Variants in KIF18A observed in about 807,000 individuals in gnomAD.
KIF18A encodes kinesin-like protein KIF18A.
A neutral mutation model predicts 103.3 loss-of-function variants in KIF18A; 67 were observed. That is an observed-to-expected ratio of 0.65 (90% CI 0.53 to 0.79). KIF18A has a LOEUF of 0.79. KIF18A is among the 30% of genes least tolerant of loss of function. The pLI is 0.00. For synonymous variants in KIF18A, 367 were observed against 355.5 expected (o/e 1.03, Z -0.36); for missense variants, 1,032 against 1,062.5 (o/e 0.97, Z 0.40).
chr11:28,071,380 C>T (rs1220959516), intron 10 of KIF18A, among the ~76,000 whole-genome samples: 1 of 151,494 alleles, frequency 6.6e-6, no homozygotes, highest in Non-Finnish European at 1.5e-5. Context: ...CAACGCCACT[C>T]TTCTATTTTC....
rs1274857589 is a variant in KIF18A at position 28,096,869 on chromosome 11, T to G, written c.325+754A>C. Among the ~76,000 whole-genome samples the G allele has an allele frequency of 6.4e-5, 3 of 46,530 alleles. No homozygotes were observed. In the East Asian group the frequency reaches 1.1e-3, roughly 17 times the overall value. The allele number at this position is 46,530 out of a possible 152,430, so 30.5% of individuals were successfully genotyped here. On this transcript the variant is annotated intron_variant, in intron 2 of 16. Coordinates refer to ENST00000263181, the MANE Select transcript of KIF18A (RefSeq NM_031217.4). ...GGCCATTTTGCATCTTGGGTATCTC[T>G]CTCTCTCTCTCTCTTTTTTTTTTTT...
chr11:28,088,585 G>A lies in KIF18A; in HGVS notation c.836C>T (p.Thr279Ile). 6.2e-7 allele frequency: 1 copy of A among 1,613,928 alleles called. No homozygotes were observed. ...AGCTAAAAGTGATCTATTAATATTT[G>A]TGCCTTCTACAAATCGGGTCCCCTT... ...GAKGTRFVEG[T>I]NINRSLLALG... The change falls in exon 6 of 17, where the codon ACA (threonine) becomes ATA (isoleucine). Residue 279 changes from threonine to isoleucine, a missense_variant. Physicochemically the swap from Thr to Ile is moderately conservative, Grantham distance 89. Transcript: ENST00000263181.
intron 10 of KIF18A, 91 bp from the exon 11 acceptor site, chr11:28,069,514 T>C: frequency 8.3e-7 from 1 of 1,212,000 alleles, no homozygotes; most frequent in African/African-American, 1.5e-5. Context: ...TTATGTGTAC[T>C]ATTGTAGTAA....
intron 13 of KIF18A, among the ~76,000 whole-genome samples, chr11:28,047,707 T>C (rs566587698): frequency 6.6e-6 from 1 of 152,160 alleles, no homozygotes; most frequent in Admixed American, 6.6e-5. Context: ...TAATAACATA[T>C]ATAATAAACA....
intron 15 of KIF18A, 110 bp downstream of exon 15, chr11:28,035,277 T>C: frequency 2.2e-6 from 1 of 463,156 alleles, no homozygotes; most frequent in Non-Finnish European, 3.7e-6. Flanking sequence ...TAAGTATGCT[T>C]AAACATGAAT....
intron 6 of KIF18A, 130 bp from the exon 7 acceptor site, chr11:28,084,938 TTCAG>T (rs1851208690): frequency 1.6e-6 from 1 of 608,830 alleles, no homozygotes; most frequent in Non-Finnish European, 2.9e-6. Context: ...TATAAACTGT[TTCAG>T]TATAATGAAA....
At chr11:28,046,974 A>C (rs1850643994) in intron 13 of KIF18A, among the ~76,000 whole-genome samples, 1 of 150,378 alleles carries the variant, frequency 6.6e-6, no homozygotes, top group Non-Finnish European at 1.5e-5. Context: ...GAATCGCTTG[A>C]ACCTGGGATG....
chr11:28,101,242 TAAC>T (rs953325054), intron 1 of KIF18A, among the ~76,000 whole-genome samples: 1 of 152,114 alleles, frequency 6.6e-6, no homozygotes, highest in African/African-American at 2.4e-5. Context: ...TTCCTTGTGA[TAAC>T]AAAAACTATC....
At chr11:28,094,239 C>T (rs976616281) in intron 3 of KIF18A, among the ~76,000 whole-genome samples, 1 of 152,102 alleles carries the variant, frequency 6.6e-6, no homozygotes, top group African/African-American at 2.4e-5. Context: ...CTAAGATCTA[C>T]AGATAATTAT....
At chr11:28,077,496 AAAAAT>A (rs1851109482) in intron 9 of KIF18A, among the ~76,000 whole-genome samples, 1 of 152,202 alleles carries the variant, frequency 6.6e-6, no homozygotes, top group Non-Finnish European at 1.5e-5. Flanking sequence ...ATTGCTTAGC[AAAAAT>A]AAAATAATTT....
At position 28,059,146 on chromosome 11, in the gene KIF18A, T is replaced by A; in HGVS notation, c.1728A>T (p.Leu576Phe). The A allele has an allele frequency of 1.2e-6, 2 of 1,611,704 alleles. No individual in the cohort carries two copies. The highest frequency in any genetic ancestry group is 1.7e-6 in the Non-Finnish European group (2 of 1,177,864). Reference sequence around the variant, plus strand: ...AATATTGTTTTCTTAGGGTTGGAAGTAAAGCATTCAATACTCTATATACAG... The same window carrying A: ...AATATTGTTTTCTTAGGGTTGGAAGAAAAGCATTCAATACTCTATATACAG... ...HRQTEAVLNALLPTLRKQYCT... is the reference protein window; with the variant it reads ...HRQTEAVLNAFLPTLRKQYCT... Residue 576 changes from leucine (L) to phenylalanine (F), a missense_variant, in exon 13 of 17, where the codon TTA (leucine) becomes TTT (phenylalanine). Physicochemically the swap from Leu to Phe is conservative, Grantham distance 22. Transcript: ENST00000263181.
In KIF18A at chr11:28,029,477, C is replaced by T. The variant is rs567986192; in HGVS notation, c.2505-5627G>A. On this transcript the variant is annotated intron_variant, in intron 15 of 16. Transcript: ENST00000263181. ...AGAAAAGGCCTTTGACAAAATTCAA[C>T]AGCCCTTCATGCTAAAAACTCTCAA... is the stretch of plus-strand genomic sequence containing the variant. Among the ~76,000 whole-genome samples the T allele has an allele frequency of 1.2e-3, 177 of 152,308 alleles. 1 individual carries two copies. Among genetic ancestry groups the T allele is most frequent in the African/African-American group, 3.9e-3 (164 of 41,574 alleles).
intron 12 of KIF18A, among the ~76,000 whole-genome samples, chr11:28,060,115 G>A (rs914707457): frequency 6.6e-6 from 1 of 152,144 alleles, no homozygotes; most frequent in African/African-American, 2.4e-5. Flanking sequence ...AATTTTTTGT[G>A]TATCAGACCT....
intron 15 of KIF18A, among the ~76,000 whole-genome samples, chr11:28,027,717 G>T (rs886381104): frequency 3.3e-5 from 5 of 151,778 alleles, no homozygotes; most frequent in African/African-American, 1.2e-4. Flanking sequence ...AAGTCTCCCA[G>T]CAAAGAAAAG....
intron 15 of KIF18A, among the ~76,000 whole-genome samples, chr11:28,029,449 T>C (rs1296098038): frequency 1.3e-5 from 2 of 152,162 alleles, no homozygotes; most frequent in Admixed American, 6.5e-5. Flanking sequence ...TCTCAATAGA[T>C]GCAGAAAAGG....
At chr11:28,047,085 GAAATATTGT>G (rs1207457948) in intron 13 of KIF18A, among the ~76,000 whole-genome samples, 109 of 127,378 alleles carry the variant, frequency 8.6e-4, no homozygotes, top group African/African-American at 2.9e-3. Flanking sequence ...AAAAGAGAAA[GAAATATTGT>G]AAATATTGTA....
rs1234648334 is a variant in KIF18A at position 28,021,258 on chromosome 11, AT to A, written c.2638del (p.Ile880Ter). ...TMEHKRNICK[I>X]NPSMVRKFGR... The stretch of plus-strand genomic sequence containing the variant: ...AAATTTTCTAACCATGCTTGGATTT[AT>A]TTTACAGATGTTTCTTTTATGTTCT... On this transcript the variant is annotated frameshift_variant, in exon 17 of 17. Coordinates refer to ENST00000263181, the MANE Select transcript of KIF18A (RefSeq NM_031217.4). LOFTEE classifies it high-confidence loss of function. 1.3e-6 allele frequency: 2 copies of A among 1,483,446 alleles called. No individual in the cohort carries two copies. Among genetic ancestry groups the A allele is most frequent in the Non-Finnish European group, 1.8e-6 (2 of 1,107,676 alleles). The allele number at this position is 1,483,446 out of a possible 1,614,324, so 91.9% of individuals were successfully genotyped here. A position where few individuals can be genotyped will look rare whatever the true frequency, so the allele number is the denominator to read the frequency against.
Position 28,086,978 on chromosome 11 carries a change from T to A in KIF18A, c.897+1546A>T, listed in dbSNP as rs541780614. On this transcript the variant is annotated intron_variant, in intron 6 of 16. Transcript: ENST00000263181. Reference sequence around the variant, plus strand: ...GTGATTTCAGTAATTTGCCTTTTTTTAAAAAAAAAACCTGCTCCAATTATT... The same window carrying A: ...GTGATTTCAGTAATTTGCCTTTTTTAAAAAAAAAAACCTGCTCCAATTATT... Among the ~76,000 whole-genome samples the A allele has an allele frequency of 4.2e-3, 624 of 149,436 alleles. 6 individuals are homozygous for A. The highest frequency in any genetic ancestry group is 3.8e-3 in the Non-Finnish European group (252 of 67,126).
chr11:28,063,055 T>A (rs1850876147), intron 11 of KIF18A, among the ~76,000 whole-genome samples: 1 of 152,036 alleles, frequency 6.6e-6, no homozygotes, highest in Admixed American at 6.6e-5. Context: ...AGTCTTGAGT[T>A]GTGTGCAATA....
Sources: allele counts gnomAD v4.1 joint callset (sites outside exome capture counted in the v4.1 genomes callset), GRCh38; gene constraint gnomAD v4.1.1; transcripts MANE v1.5; gene names NCBI Gene and HGNC (gene_info 2026-07-23, HGNC 2026-07-21).